Variants in ST3GAL6 observed in about 807,000 individuals in gnomAD.
ST3GAL6 encodes the protein ST3 beta-galactoside alpha-2,3-sialyltransferase 6, also known as type 2 lactosamine alpha-2,3-sialyltransferase.
Under a neutral mutation model 40.5 loss-of-function variants are expected in ST3GAL6, and 31 were observed. That is an observed-to-expected ratio of 0.77 (90% confidence interval 0.58 to 1.03). The LOEUF (loss-of-function observed/expected upper bound fraction) is 1.03, where lower values mean the gene tolerates loss of function less well. Among genes scored for constraint, ST3GAL6 ranks in the 50% least tolerant of loss-of-function variants. ST3GAL6 has a pLI of 0.00. For missense variants in ST3GAL6, 357 were observed against 393.2 expected, an observed-to-expected ratio of 0.91 and a Z score of 0.78; for synonymous variants, 129 against 136.9, an observed-to-expected ratio of 0.94 and a Z score of 0.40.
intron 1 of ST3GAL6, among the ~76,000 whole-genome samples, chr3:98,745,836 A>C (rs1936500791): frequency 6.6e-6 from 1 of 152,218 alleles, no homozygotes. Flanking sequence ...AATATAAAAC[A>C]GTACACTTTG....
intron 1 of ST3GAL6, among the ~76,000 whole-genome samples, chr3:98,749,149 GAAAGTGA>G (rs1021296605): frequency 6.6e-5 from 10 of 152,154 alleles, no homozygotes; most frequent in African/African-American, 2.2e-4. Context: ...AGTTACCCTA[GAAAGTGA>G]AAACATTCAG....
intron 1 of ST3GAL6, among the ~76,000 whole-genome samples, chr3:98,734,128 G>T (rs370958663): frequency 1.3e-5 from 2 of 152,142 alleles, no homozygotes; most frequent in African/African-American, 4.8e-5. Context: ...CCGAATGTTT[G>T]ACTTTCCGGT....
chr3:98,781,816 A>G (rs1449183558), intron 5 of ST3GAL6, among the ~76,000 whole-genome samples: 1 of 152,148 alleles, frequency 6.6e-6, no homozygotes, highest in Non-Finnish European at 1.5e-5. Context: ...TATGCAGGTT[A>G]TCTCATGGGA....
Position 98,782,205 on chromosome 3 carries a change from A to G in ST3GAL6, c.336-2740A>G, listed in dbSNP as rs533785902. On this transcript the variant is annotated intron_variant, in intron 5 of 9. Transcript: ENST00000483910. Reference sequence around the variant, plus strand: ...CTAGAGTTATGTTACTTTCTTATTTAGAAACAGAGAGCCCAGGACCATGAG... The same window carrying G: ...CTAGAGTTATGTTACTTTCTTATTTGGAAACAGAGAGCCCAGGACCATGAG... 5.5e-5 allele frequency: 38 copies of G among 694,258 alleles called. No homozygotes were observed. The South Asian group carries it at 5.6e-4, about 10-fold the overall frequency. The allele number at this position is 694,258 out of a possible 1,614,324, so 43.0% of individuals were successfully genotyped here. A position where few individuals can be genotyped will look rare whatever the true frequency, so the allele number is the denominator to read the frequency against.
chr3:98,784,173 T>G (rs1272212712), intron 5 of ST3GAL6, among the ~76,000 whole-genome samples: 2 of 152,252 alleles, frequency 1.3e-5, no homozygotes, highest in Admixed American at 1.3e-4. Context: ...TCTGTGGTTT[T>G]GTTCCCTAGC....
intron 5 of ST3GAL6, among the ~76,000 whole-genome samples, chr3:98,777,843 G>A (rs1939698496): frequency 6.6e-6 from 1 of 152,188 alleles, no homozygotes; most frequent in Non-Finnish European, 1.5e-5. Context: ...ACTGAAGACT[G>A]AGGATTTTTT....
chr3:98,733,250 G>C (rs1158838789), intron 1 of ST3GAL6: 1 of 981,112 alleles, frequency 1.0e-6, no homozygotes, highest in African/African-American at 1.8e-5. Context: ...CGCAGCCACC[G>C]CCGAGAGGGC....
At chr3:98,762,445 G>A (rs1937892509), upstream of ST3GAL6, among the ~76,000 whole-genome samples, 2 of 152,032 alleles carry the variant, frequency 1.3e-5, no homozygotes, top group Non-Finnish European at 2.9e-5. Context: ...TAGCCTTTTC[G>A]TTGTAATATT....
At chr3:98,754,175 C>G (rs1222372058) in intron 1 of ST3GAL6, among the ~76,000 whole-genome samples, 1 of 152,148 alleles carries the variant, frequency 6.6e-6, no homozygotes, top group East Asian at 1.9e-4. Flanking sequence ...TCAAAGCCTT[C>G]TGGAAAGAAT....
Position 98,767,807 on chromosome 3 carries a change from A to G in ST3GAL6, c.-11-623A>G, listed in dbSNP as rs553858721. On this transcript the variant is annotated intron_variant, in intron 1 of 9. Transcript: ENST00000483910. ...AAATGTGTAATGAATAATATTGTCA[A>G]TTTAATACAAAACAAGCAAGTAGCT... Among the ~76,000 whole-genome samples, 6 of 152,330 alleles carry G rather than the reference A, an allele frequency of 3.9e-5. No individual in the cohort carries two copies. The South Asian group carries it at 1.2e-3, about 32-fold the overall frequency.
At chr3:98,752,645 G>A (rs112392887) in intron 1 of ST3GAL6, among the ~76,000 whole-genome samples, 9 of 151,908 alleles carry the variant, frequency 5.9e-5, no homozygotes, top group Non-Finnish European at 1.2e-4. Context: ...CTAATTTTTT[G>A]TATTTTTAGT....
chr3:98,761,436 C>A (rs1403664090), upstream of ST3GAL6, among the ~76,000 whole-genome samples: 1 of 151,936 alleles, frequency 6.6e-6, no homozygotes, highest in East Asian at 1.9e-4. Context: ...GGCAAAACCC[C>A]ATCTCTATTA....
At chr3:98,736,275 C>A (rs148233948) in intron 1 of ST3GAL6, among the ~76,000 whole-genome samples, 16 of 152,288 alleles carry the variant, frequency 1.1e-4, no homozygotes, top group Admixed American at 3.3e-4. Context: ...CTCTCTTTCC[C>A]CTTCTTATAT....
chr3:98,785,156 A>T, intron 6 of ST3GAL6, 116 bp downstream of exon 6: 1 of 644,206 alleles, frequency 1.6e-6, no homozygotes, highest in Non-Finnish European at 2.6e-6. Context: ...TTTTTTTTTT[A>T]TTGCACAACC....
chr3:98,762,996 G>A (rs541401986), upstream of ST3GAL6: 2 of 985,394 alleles, frequency 2.0e-6, no homozygotes, highest in African/African-American at 3.5e-5. Context: ...CACGCATTTG[G>A]ACTACCTAAT....
intron 1 of ST3GAL6, among the ~76,000 whole-genome samples, chr3:98,764,328 CA>C (rs1938105466): frequency 6.6e-6 from 1 of 152,120 alleles, no homozygotes; most frequent in African/African-American, 2.4e-5. Context: ...AAAAACCTGA[CA>C]TTTTTTTCAA....
chr3:98,782,381 G>A (rs745921272), intron 5 of ST3GAL6: 3 of 679,612 alleles, frequency 4.4e-6, no homozygotes, highest in Non-Finnish European at 8.0e-6. Context: ...GATGCCCTTG[G>A]AAGCTCAGAA....
intron 3 of ST3GAL6, chr3:98,771,322 C>T: frequency 2.8e-6 from 1 of 352,348 alleles, no homozygotes; most frequent in Non-Finnish European, 5.0e-6. Context: ...TTCCTTGCCT[C>T]TAGGTTAAAC....
chr3:98,792,066 C>T, intron 9 of ST3GAL6, 73 bp downstream of exon 9: 1 of 1,381,802 alleles, frequency 7.2e-7, no homozygotes, highest in Non-Finnish European at 9.6e-7. Context: ...CCCATATTTT[C>T]TCTTCTCACA....
Sources: gnomAD v4.1 joint callset for allele counts (sites outside exome capture counted in the v4.1 genomes callset) on GRCh38, gnomAD v4.1.1 for gene constraint, MANE v1.5 for transcripts, NCBI Gene and HGNC (gene_info 2026-07-23, HGNC 2026-07-21) for gene names.